The following MEFV variants were observed in gnomAD, a reference collection of about 807,000 sequenced individuals.
MEFV encodes MEFV innate immunity regulator, pyrin.
In MEFV, 60 loss-of-function variants were observed where a neutral mutation model predicts 62.5. That is an observed-to-expected ratio of 0.96 (90% CI 0.78 to 1.19). MEFV has a LOEUF of 1.19. Ranked by LOEUF, MEFV falls within the 50% of genes most tolerant of loss-of-function variation. MEFV has a pLI of 0.00. For synonymous variants in MEFV, 500 were observed against 415.2 expected, an observed-to-expected ratio of 1.20 and a Z score of -2.48; for missense variants, 1,169 against 1,004.5, an observed-to-expected ratio of 1.16 and a Z score of -2.21.
chr16:3,244,543 C>T lies in MEFV; in HGVS notation c.1656G>A (p.Glu552=). 1 of 1,614,180 alleles carries T rather than the reference C, an allele frequency of 6.2e-7. No individual in the cohort carries two copies. The highest frequency in any genetic ancestry group is 1.1e-5 in the South Asian group (1 of 91,088). The change falls in exon 7 of 10, where the codon GAG becomes GAA. Residue 552 remains glutamate, a synonymous_variant. Transcript: ENST00000219596. ...GGAGGAGTTGGATCTTTTGTTTTAT[C>T]TCTTGAGGAGTGGTCCACTTTTCAG... ...PVPEKWTTPQ[E]IKQKIQLLHQ...
intron 2 of MEFV, among the ~76,000 whole-genome samples, chr16:3,251,245 C>T (rs938053115): frequency 1.3e-5 from 2 of 152,134 alleles, no homozygotes; most frequent in African/African-American, 4.8e-5. Context: ...CCCTGCATTT[C>T]TCAGCCTCCT....
At chr16:3,255,322 C>G (rs867959732) in intron 1 of MEFV, among the ~76,000 whole-genome samples, 1 of 151,534 alleles carries the variant, frequency 6.6e-6, no homozygotes, top group African/African-American at 2.4e-5. Flanking sequence ...ATCTCAAAAA[C>G]AAAAGTTCAG....
At chr16:3,253,700 G>C (rs950222200) in intron 2 of MEFV, among the ~76,000 whole-genome samples, 1 of 151,930 alleles carries the variant, frequency 6.6e-6, no homozygotes, top group Non-Finnish European at 1.5e-5. Context: ...TAGTTTTGTA[G>C]AAGTGGAGTC....
At chr16:3,246,871 C>A in intron 5 of MEFV, 145 bp downstream of exon 5, 1 of 823,304 alleles carries the variant, frequency 1.2e-6, no homozygotes, top group Non-Finnish European at 2.1e-6. Flanking sequence ...GCACAAGAGG[C>A]ACTGTGGGTC....
Position 3,244,229 on chromosome 16 carries a change from C to T in MEFV, c.1759+25G>A, listed in dbSNP as rs777830391. 3.1e-6 allele frequency: 5 copies of T among 1,613,972 alleles called. No individual in the cohort carries two copies. In the East Asian group the frequency reaches 6.7e-5, roughly 22 times the overall value. On this transcript the variant is annotated intron_variant, in intron 8 of 9. Coordinates refer to ENST00000219596, the MANE Select transcript of MEFV (RefSeq NM_000243.3). ...GAACACTGCAACAACCCCAGGCCAG[C>T]ACACACCATTACCGCTGGACTCACC...
Position 3,243,082 on chromosome 16 carries a change from T to G in MEFV, c.*59A>C. On this transcript the variant is annotated 3_prime_UTR_variant, in exon 10 of 10. Transcript: ENST00000219596. ...GCACCTAGTCGGCATTCCGTGACTA[T>G]TGAGTGTGAATGCAAGATACAAGGC... The G allele has an allele frequency of 6.3e-7, 1 of 1,577,796 alleles. No homozygotes were observed. Among genetic ancestry groups the G allele is most frequent in the East Asian group, 2.2e-5 (1 of 44,724 alleles).
chr16:3,250,593 A>G (rs1160340194), intron 2 of MEFV, among the ~76,000 whole-genome samples: 1 of 151,794 alleles, frequency 6.6e-6, no homozygotes, highest in African/African-American at 2.4e-5. Context: ...ATGCCATCTT[A>G]AAAGAAAAAG....
chr16:3,254,200 C>T lies in MEFV; in HGVS notation c.868G>A (p.Asp290Asn). 6.2e-7 allele frequency: 1 copy of T among 1,614,266 alleles called. No individual in the cohort carries two copies. Among genetic ancestry groups the T allele is most frequent in the Non-Finnish European group, 8.5e-7 (1 of 1,180,036 alleles). ...GGATTTCCAGGGCCTTCCTTCAGGT[C>T]CGCAGATGCCCCTCCATCCGGAGTG... ...RPTPDGGASA[D>N]LKEGPGNPEH... Residue 290 changes from aspartate (D) to asparagine (N), a missense_variant, in exon 2 of 10, where the codon GAC (aspartate) becomes AAC (asparagine). Coordinates refer to ENST00000219596, the MANE Select transcript of MEFV (RefSeq NM_000243.3).
rs554134836 is a variant in MEFV at position 3,253,484 on chromosome 16, T to C, written c.910+674A>G. Among the ~76,000 whole-genome samples, 338 of 152,234 alleles carry C rather than the reference T, an allele frequency of 2.2e-3. 4 individuals are homozygous for C. Among genetic ancestry groups the C allele is most frequent in the African/African-American group, 7.8e-3 (323 of 41,532 alleles). ...CACTGATAACACCTGATTGCCTTTTTCAATCGGACATTCTTTCTTTCTTTT... is the reference window on the plus strand; with the variant it reads ...CACTGATAACACCTGATTGCCTTTTCCAATCGGACATTCTTTCTTTCTTTT... On this transcript the variant is annotated intron_variant, in intron 2 of 9. Transcript: ENST00000219596.
chr16:3,250,857 C>G (rs1325080001), intron 2 of MEFV, among the ~76,000 whole-genome samples: 1 of 151,554 alleles, frequency 6.6e-6, no homozygotes, highest in African/African-American at 2.4e-5. Context: ...AACCCTGTCT[C>G]TACTAAAAAT....
At position 3,256,393 on chromosome 16, in the gene MEFV, G is replaced by A. The variant is rs104895077; in HGVS notation, c.195C>T (p.Tyr65=). 203 of 1,614,046 alleles carry A rather than the reference G, an allele frequency of 1.3e-4. No homozygotes were observed. The highest frequency in any genetic ancestry group is 8.2e-4 in the Middle Eastern group (5 of 6,062). Residue 65 remains tyrosine, a synonymous_variant, in exon 1 of 10, where the codon TAC becomes TAT. Coordinates refer to ENST00000219596, the MANE Select transcript of MEFV (RefSeq NM_000243.3). ...TLLVTYYGEE[Y]AVQLTLQVLR... Reference sequence around the variant, plus strand: ...GGACCTGCAGGGTGAGCTGCACGGCGTACTCTTCCCCATAGTAGGTGACCA... The same window carrying A: ...GGACCTGCAGGGTGAGCTGCACGGCATACTCTTCCCCATAGTAGGTGACCA...
At position 3,249,414 on chromosome 16, in the gene MEFV, A is replaced by T; in HGVS notation, c.1260+17T>A. The T allele has an allele frequency of 6.2e-7, 1 of 1,609,120 alleles. No individual in the cohort carries two copies. The highest frequency in any genetic ancestry group is 1.1e-5 in the South Asian group (1 of 91,018). ...AAGTGCCTGGCAGAGAAGAGCCCACAGGCAGGGAGTGCCTACCTTGTGTTC... is the reference window on the plus strand; with the variant it reads ...AAGTGCCTGGCAGAGAAGAGCCCACTGGCAGGGAGTGCCTACCTTGTGTTC... On this transcript the variant is annotated intron_variant, in intron 3 of 9. Transcript: ENST00000219596.
intron 2 of MEFV, among the ~76,000 whole-genome samples, chr16:3,251,573 C>T (rs182610303): frequency 1.3e-5 from 2 of 152,322 alleles, no homozygotes; most frequent in African/African-American, 2.4e-5. Flanking sequence ...TTCTATTATT[C>T]ACAACCAAAC....
At chr16:3,246,110 C>T (rs546620531) in intron 6 of MEFV, among the ~76,000 whole-genome samples, 1 of 152,296 alleles carries the variant, frequency 6.6e-6, no homozygotes, top group African/African-American at 2.4e-5. Context: ...TAAGGCTTAG[C>T]CTCTTCCTGT....
At chr16:3,246,675 G>A (rs1203245912) in intron 5 of MEFV, 128 bp from the exon 6 acceptor site, 2 of 1,010,492 alleles carry the variant, frequency 2.0e-6, no homozygotes, top group Admixed American at 1.9e-5. Flanking sequence ...CTGCCCTAGG[G>A]TGTCAGTGGA....
intron 1 of MEFV, among the ~76,000 whole-genome samples, chr16:3,255,823 C>T (rs766369442): frequency 3.8e-4 from 57 of 151,960 alleles, no homozygotes; most frequent in Non-Finnish European, 7.6e-4. Context: ...AAAAATAAGC[C>T]GGGCACGGTG....
rs1958880537 is a variant in MEFV at position 3,243,082 on chromosome 16, T to C, written c.*59A>G. 1 of 1,577,796 alleles carries C rather than the reference T, an allele frequency of 6.3e-7. No individual in the cohort carries two copies. Among genetic ancestry groups the C allele is most frequent in the Admixed American group, 1.7e-5 (1 of 59,918 alleles). The stretch of plus-strand genomic sequence containing the variant: ...GCACCTAGTCGGCATTCCGTGACTA[T>C]TGAGTGTGAATGCAAGATACAAGGC... On this transcript the variant is annotated 3_prime_UTR_variant, in exon 10 of 10. Coordinates refer to ENST00000219596, the MANE Select transcript of MEFV (RefSeq NM_000243.3).
rs547379518 is a variant in MEFV, at chr16:3,243,386, C to T, written c.2101G>A (p.Ala701Thr). 6.2e-7 allele frequency: 1 copy of T among 1,614,158 alleles called. No individual in the cohort carries two copies. The highest frequency in any genetic ancestry group is 2.2e-5 in the East Asian group (1 of 44,886). ...VIMMKENEYQ[A>T]SSVPPTRLLI... The stretch of plus-strand genomic sequence containing the variant: ...AGGCGGGTCGGGGGAACGCTGGACG[C>T]CTGGTACTCATTTTCCTTCATCATT... Residue 701 changes from alanine (A) to threonine (T), a missense_variant, in exon 10 of 10, where the codon GCG becomes ACG. By Grantham distance (58) the Ala-to-Thr change is moderately conservative. Coordinates refer to ENST00000219596, the MANE Select transcript of MEFV (RefSeq NM_000243.3).
At position 3,249,746 on chromosome 16, in the gene MEFV, G is replaced by C; in HGVS notation, c.945C>G (p.Cys315Trp). 1 of 1,614,142 alleles carries C rather than the reference G, an allele frequency of 6.2e-7. No homozygotes were observed. The highest frequency in any genetic ancestry group is 1.1e-5 in the South Asian group (1 of 91,080). Residue 315 changes from cysteine to tryptophan, a missense_variant, in exon 3 of 10, where the codon TGC (cysteine) becomes TGG (tryptophan). Transcript: ENST00000219596. Reference sequence around the variant, plus strand: ...CAACTGGGTCTCCTTCCTGGGCGTGGCAGCGGGGACTCGCAGCCGTGTCTG... The same window carrying C: ...CAACTGGGTCTCCTTCCTGGGCGTGCCAGCGGGGACTCGCAGCCGTGTCTG... Reference protein sequence around the residue: ...RPPDTAASPRCHAQEGDPVDG... With the variant: ...RPPDTAASPRWHAQEGDPVDG...
Sources: gnomAD v4.1 joint callset for allele counts (sites outside exome capture counted in the v4.1 genomes callset) on GRCh38, gnomAD v4.1.1 for gene constraint, MANE v1.5 for transcripts, NCBI Gene and HGNC (gene_info 2026-07-23, HGNC 2026-07-21) for gene names.